The following RBFOX1 variants were observed in gnomAD, a reference collection of about 807,000 sequenced individuals.
The protein encoded by RBFOX1 is RNA binding protein fox-1 homolog 1.
A neutral mutation model predicts 57.7 loss-of-function variants in RBFOX1; 8 were observed. That is an observed-to-expected ratio of 0.14 (90% CI 0.08 to 0.25). The LOEUF (loss-of-function observed/expected upper bound fraction) is 0.25. Among genes scored for constraint, RBFOX1 ranks in the 10% least tolerant of loss-of-function variants. RBFOX1 has a pLI of 1.00. For missense variants in RBFOX1, 611 were observed against 548.5 expected (o/e 1.11, Z -1.14); for synonymous variants, 326 against 222.4 (o/e 1.47, Z -4.15).
intron 4 of RBFOX1, among the ~76,000 whole-genome samples, chr16:7,187,996 G>C (rs1304738154): frequency 2.6e-5 from 4 of 152,146 alleles, no homozygotes; most frequent in Non-Finnish European, 5.9e-5. Flanking sequence ...ATCTGACTGT[G>C]TGCTAGCCAT....
chr16:5,587,351 G>A (rs1420584844), intron 2 of RBFOX1, among the ~76,000 whole-genome samples: 2 of 152,206 alleles, frequency 1.3e-5, no homozygotes, highest in Admixed American at 6.5e-5. Flanking sequence ...GTCAGTCATC[G>A]GGAAAATGCA....
chr16:6,250,467 T>C (rs577097742), intron 1 of RBFOX1, among the ~76,000 whole-genome samples: 1 of 152,294 alleles, frequency 6.6e-6, no homozygotes, highest in South Asian at 2.1e-4. Context: ...GCTATGGACC[T>C]TGGGCAGAGC....
chr16:6,647,002 C>A (rs988359803), intron 2 of RBFOX1, among the ~76,000 whole-genome samples: 3 of 152,152 alleles, frequency 2.0e-5, no homozygotes, highest in African/African-American at 7.2e-5. Flanking sequence ...TAACAAACTG[C>A]CATAGACTGG....
intron 4 of RBFOX1, among the ~76,000 whole-genome samples, chr16:7,073,658 C>T (rs1415387084): frequency 6.6e-6 from 1 of 151,674 alleles, no homozygotes; most frequent in Non-Finnish European, 1.5e-5. Flanking sequence ...GGCCTGGGCA[C>T]CATGGCAAAA....
intron 1 of RBFOX1, among the ~76,000 whole-genome samples, chr16:5,364,319 G>T (rs139227676): frequency 5.9e-5 from 9 of 152,282 alleles, no homozygotes; most frequent in African/African-American, 2.2e-4. Flanking sequence ...TCCCTGGCTA[G>T]GCTTTCTTCC....
At chr16:7,359,652 C>T (rs1032308621) in intron 4 of RBFOX1, among the ~76,000 whole-genome samples, 2 of 152,174 alleles carry the variant, frequency 1.3e-5, no homozygotes, top group East Asian at 3.9e-4. Context: ...GCACGTCTCT[C>T]CATCAGCAAT....
chr16:5,506,905 T>C (rs2043399101), intron 2 of RBFOX1, among the ~76,000 whole-genome samples: 1 of 151,818 alleles, frequency 6.6e-6, no homozygotes. Flanking sequence ...CTCCACCCAC[T>C]CCAATCTGGA....
chr16:6,371,361 C>CTA lies in RBFOX1; in HGVS notation c.-64+54313_-64+54314dup, dbSNP rs1028612053. On this transcript the variant is annotated intron_variant, in intron 2 of 15. Transcript: ENST00000550418. ...GTGGGTTGGCATTCTATTTCCTTTC[C>CTA]TATATATATACATTTAATTACTTAT... is the stretch of plus-strand genomic sequence containing the variant. 6.6e-5 allele frequency among the ~76,000 whole-genome samples: 10 copies of CTA among 152,058 alleles called. No homozygotes were observed. The East Asian group carries it at 1.3e-3, about 20-fold the overall frequency.
intron 2 of RBFOX1, among the ~76,000 whole-genome samples, chr16:6,616,724 C>T (rs954621846): frequency 6.6e-6 from 1 of 152,314 alleles, no homozygotes; most frequent in African/African-American, 2.4e-5. Context: ...CATGAGCCAC[C>T]ATGCCCGGCA....
chr16:7,429,226 C>G (rs887122737), intron 4 of RBFOX1, among the ~76,000 whole-genome samples: 2 of 152,212 alleles, frequency 1.3e-5, no homozygotes, highest in Non-Finnish European at 2.9e-5. Context: ...GCAACATCCT[C>G]TCTCTGGTCA....
At chr16:5,574,362 C>A (rs373291854) in intron 2 of RBFOX1, among the ~76,000 whole-genome samples, 2 of 152,070 alleles carry the variant, frequency 1.3e-5, no homozygotes, top group African/African-American at 4.8e-5. Context: ...CATCCAAGCC[C>A]GCCTTGCCAC....
intron 4 of RBFOX1, among the ~76,000 whole-genome samples, chr16:7,108,708 C>G (rs900570280): frequency 8.5e-5 from 13 of 152,158 alleles, no homozygotes; most frequent in African/African-American, 2.4e-4. Context: ...AGTGTCCATA[C>G]TCTTTGATCC....
At chr16:5,445,837 G>A (rs1227286868) in intron 1 of RBFOX1, among the ~76,000 whole-genome samples, 2 of 152,210 alleles carry the variant, frequency 1.3e-5, no homozygotes, top group Non-Finnish European at 2.9e-5. Context: ...TTAAACAAGC[G>A]AAGAAGTTCT....
chr16:5,407,210 G>A (rs950825554), intron 1 of RBFOX1, among the ~76,000 whole-genome samples: 2 of 152,128 alleles, frequency 1.3e-5, no homozygotes, highest in Non-Finnish European at 2.9e-5. Context: ...AACTCACTCA[G>A]TATCATGAGA....
chr16:6,123,185 C>G (rs2343573), intron 1 of RBFOX1, among the ~76,000 whole-genome samples: 62,047 of 151,910 alleles, frequency 0.41, 13,355 homozygotes, highest in South Asian at 0.57. Flanking sequence ...TAGAATCTTG[C>G]ACAGATACTT....
intron 4 of RBFOX1, among the ~76,000 whole-genome samples, chr16:5,913,931 C>G (rs2058655459): frequency 6.6e-6 from 1 of 152,224 alleles, no homozygotes; most frequent in Non-Finnish European, 1.5e-5. Context: ...TATATTCTGT[C>G]ACTCCTCTCA....
intron 1 of RBFOX1, among the ~76,000 whole-genome samples, chr16:6,103,778 C>T (rs1292128856): frequency 1.3e-5 from 2 of 152,128 alleles, no homozygotes; most frequent in Non-Finnish European, 2.9e-5. Context: ...ACCTCCATTT[C>T]ACCACAGAGT....
intron 2 of RBFOX1, chr16:6,576,777 C>T (rs556106945): frequency 6.6e-6 from 1 of 152,222 alleles, no homozygotes; most frequent in East Asian, 1.9e-4. Flanking sequence ...AGGAAGTTCC[C>T]ACAATCCTGG....
chr16:7,317,674 A>T (rs1194063844), intron 4 of RBFOX1, among the ~76,000 whole-genome samples: 2 of 152,198 alleles, frequency 1.3e-5, no homozygotes, highest in East Asian at 3.9e-4. Flanking sequence ...CGCTGCCTCC[A>T]GCCACAGGAG....
Sources: gnomAD v4.1 joint callset for allele counts (sites outside exome capture counted in the v4.1 genomes callset) on GRCh38, gnomAD v4.1.1 for gene constraint, MANE v1.5 for transcripts, NCBI Gene and HGNC (gene_info 2026-07-23, HGNC 2026-07-21) for gene names.